The following SEMA6A variants were observed in gnomAD, a reference collection of about 807,000 sequenced individuals.
The protein encoded by SEMA6A is semaphorin 6A.
SEMA6A carries 25 observed loss-of-function variants against 96.8 expected under a neutral mutation model. The observed-to-expected ratio is 0.26, with a 90% CI of 0.19 to 0.36. SEMA6A has a LOEUF of 0.36. Ranked by LOEUF, SEMA6A falls within the 10% of genes least tolerant of loss-of-function variation. The probability of loss-of-function intolerance (pLI) is 1.00; values close to 1 mark genes in which losing one functional copy is unlikely to be tolerated. For synonymous variants in SEMA6A, 612 were observed against 518.0 expected (o/e 1.18, Z -2.46); for missense variants, 1,363 against 1,323.1 (o/e 1.03, Z -0.47).
intron 3 of SEMA6A, among the ~76,000 whole-genome samples, chr5:116,498,162 GAAAGA>G (rs1450262814): frequency 1.8e-4 from 27 of 152,220 alleles, no homozygotes; most frequent in Non-Finnish European, 2.5e-4. Flanking sequence ...GAATTTGTAA[GAAAGA>G]AAAGAAAAGA....
chr5:116,564,803 A>C lies in SEMA6A; in HGVS notation c.-39+9382T>G, dbSNP rs573189396. ...CAAAGCAGTAGACCTACAGTCCAAAATGTATGAGCCTTTTGTTGCAAAATA... is the reference window on the plus strand; with the variant it reads ...CAAAGCAGTAGACCTACAGTCCAAACTGTATGAGCCTTTTGTTGCAAAATA... On this transcript the variant is annotated intron_variant, in intron 1 of 18. Coordinates refer to ENST00000343348, the MANE Select transcript of SEMA6A (RefSeq NM_020796.5). 2.0e-5 allele frequency among the ~76,000 whole-genome samples: 3 copies of C among 152,332 alleles called. No individual in the cohort carries two copies. In the East Asian group the frequency reaches 5.8e-4, roughly 29 times the overall value.
rs1277026859 is a variant in SEMA6A, at chr5:116,488,096, AT to A, written c.744+11del. ...TGTTACAAACTGAGCCAAGGACAGC[AT>A]CCCCTCTTACCTTTCCCATGGTGTT... On this transcript the variant is annotated intron_variant, in intron 9 of 18. Coordinates refer to ENST00000343348, the MANE Select transcript of SEMA6A (RefSeq NM_020796.5). The A allele has an allele frequency of 1.9e-6, 3 of 1,552,438 alleles. No individual in the cohort carries two copies. The South Asian group carries it at 3.4e-5, about 18-fold the overall frequency.
At chr5:116,551,314 GCATA>G (rs1430326080) in intron 1 of SEMA6A, among the ~76,000 whole-genome samples, 1 of 43,972 alleles carries the variant, frequency 2.3e-5, no homozygotes, top group South Asian at 7.5e-4. Flanking sequence ...GATAGTCTTA[GCATA>G]CACACACACA....
In SEMA6A at chr5:116,448,196, A is replaced by AAAAAAAAAAAAAAAAAAAT. The variant is rs780426357; in HGVS notation, c.1895-386_1895-385insATTTTTTTTTTTTTTTTTT. Among the ~76,000 whole-genome samples the AAAAAAAAAAAAAAAAAAAT allele has an allele frequency of 5.1e-4, 71 of 138,686 alleles. 2 individuals carry two copies. Among genetic ancestry groups the AAAAAAAAAAAAAAAAAAAT allele is most frequent in the African/African-American group, 1.7e-3 (60 of 35,644 alleles). 91.0% of individuals were successfully genotyped at this position (138,686 alleles called of 152,430 possible). ...AAAAAAAAAAAAAAAAAAAAAAAAA[A>AAAAAAAAAAAAAAAAAAAT]TTAGCCAGGCGCGGTGGCGGGGGCT... is the stretch of plus-strand genomic sequence containing the variant. On this transcript the variant is annotated intron_variant, in intron 18 of 18. Coordinates refer to ENST00000343348, the MANE Select transcript of SEMA6A (RefSeq NM_020796.5).
intron 1 of SEMA6A, among the ~76,000 whole-genome samples, chr5:116,526,524 G>T (rs975738305): frequency 1.3e-5 from 2 of 152,116 alleles, no homozygotes; most frequent in African/African-American, 4.8e-5. Context: ...GTCCTCAGAG[G>T]ATTTACAAAT....
intron 13 of SEMA6A, 154 bp from the exon 14 acceptor site, chr5:116,478,308 A>G: frequency 1.2e-6 from 1 of 840,804 alleles, no homozygotes; most frequent in Non-Finnish European, 1.8e-6. Flanking sequence ...ACGTAAACAC[A>G]CACATGTATA....
At chr5:116,456,237 CAG>C (rs1357563679) in intron 18 of SEMA6A, among the ~76,000 whole-genome samples, 2 of 152,194 alleles carry the variant, frequency 1.3e-5, no homozygotes, top group Non-Finnish European at 2.9e-5. Context: ...TAATTAGAGA[CAG>C]AAATCCTCAA....
rs766613537 is a variant in SEMA6A, at chr5:116,467,685, C to T, written c.1792G>A (p.Glu598Lys). ...CAGTCCAGCATTCCTCCCCTAGACT[C>T]ATACCCCTCTTGAGCCGTCGAATCT... The part of the protein sequence containing the change: ...TSDSTAQEGY[E>K]SRGGMLDWKH... The change falls in exon 18 of 19, where the codon GAG becomes AAG. Residue 598 changes from glutamate (E) to lysine (K), a missense_variant. Physicochemically the swap from Glu to Lys is moderately conservative, Grantham distance 56. Transcript: ENST00000343348. The T allele has an allele frequency of 1.9e-6, 3 of 1,613,850 alleles. No homozygotes were observed. The highest frequency in any genetic ancestry group is 2.2e-5 in the South Asian group (2 of 91,070).
At chr5:116,520,378 A>G (rs1381510063) in intron 1 of SEMA6A, among the ~76,000 whole-genome samples, 1 of 151,770 alleles carries the variant, frequency 6.6e-6, no homozygotes, top group Non-Finnish European at 1.5e-5. Context: ...ATGTGGGTAA[A>G]TTGGTCTTAT....
rs1416389790 is a variant in SEMA6A at position 116,447,473 on chromosome 5, C to T, written c.2233G>A (p.Ala745Thr). The T allele has an allele frequency of 1.9e-6, 3 of 1,613,962 alleles. No individual in the cohort carries two copies. Among genetic ancestry groups the T allele is most frequent in the Non-Finnish European group, 2.5e-6 (3 of 1,179,922 alleles). Reference protein sequence around the residue: ...PGNTAKMLIKADQHHLDLTAL... With the variant: ...PGNTAKMLIKTDQHHLDLTAL... Reference sequence around the variant, plus strand: ...GTCAGGTCCAGGTGGTGCTGGTCTGCTTTAATGAGCATCTTGGCCGTGTTG... The same window carrying T: ...GTCAGGTCCAGGTGGTGCTGGTCTGTTTTAATGAGCATCTTGGCCGTGTTG... The change falls in exon 19 of 19, where the codon GCA becomes ACA. Residue 745 changes from alanine (A) to threonine (T), a missense_variant. Around this residue, in one of 2 missense-constraint regions of SEMA6A, gnomAD observed 883 missense variants for 763.6 expected, o/e 1.16. Transcript: ENST00000343348.
chr5:116,480,804 ATTG>A (rs780019664), intron 11 of SEMA6A, among the ~76,000 whole-genome samples: 8 of 152,046 alleles, frequency 5.3e-5, no homozygotes, highest in Non-Finnish European at 1.2e-4. Flanking sequence ...TTTGTTTCTT[ATTG>A]TTGTTTTTAT....
intron 18 of SEMA6A, among the ~76,000 whole-genome samples, chr5:116,450,730 G>A (rs1754574167): frequency 6.6e-6 from 1 of 152,136 alleles, no homozygotes; most frequent in Admixed American, 6.5e-5. Context: ...TATATAAAGA[G>A]TGGCCTTAAA....
chr5:116,569,334 A>C (rs2112921398), intron 1 of SEMA6A, among the ~76,000 whole-genome samples: 1 of 152,258 alleles, frequency 6.6e-6, no homozygotes, highest in Middle Eastern at 3.4e-3. Flanking sequence ...AGTCCTTGCA[A>C]AGGACCCCAA....
chr5:116,457,939 T>G (rs1278678072), intron 18 of SEMA6A, among the ~76,000 whole-genome samples: 1 of 152,184 alleles, frequency 6.6e-6, no homozygotes, highest in Non-Finnish European at 1.5e-5. Flanking sequence ...TGTAGTTAGT[T>G]TGAGCAAGCC....
intron 1 of SEMA6A, among the ~76,000 whole-genome samples, chr5:116,529,415 A>G (rs1759367106): frequency 6.6e-6 from 1 of 152,200 alleles, no homozygotes; most frequent in South Asian, 2.1e-4. Flanking sequence ...TTCCTAACAC[A>G]AAAACACAGT....
chr5:116,536,905 T>C (rs1274055707), intron 1 of SEMA6A, among the ~76,000 whole-genome samples: 1 of 122,604 alleles, frequency 8.2e-6, no homozygotes, highest in Non-Finnish European at 1.7e-5. Context: ...GCAAAACTGG[T>C]GTTCTTTTGT....
intron 1 of SEMA6A, among the ~76,000 whole-genome samples, chr5:116,522,091 T>A (rs1055696358): frequency 6.6e-6 from 1 of 152,228 alleles, no homozygotes; most frequent in African/African-American, 2.4e-5. Context: ...CAAGATTGAC[T>A]GATTTTTTAA....
intron 3 of SEMA6A, chr5:116,498,933 C>T (rs947229285): frequency 1.3e-5 from 2 of 152,106 alleles, no homozygotes; most frequent in Non-Finnish European, 2.9e-5. Flanking sequence ...CTCAGATTGC[C>T]CCCTTTTGGC....
chr5:116,514,011 C>A (rs781567323), intron 1 of SEMA6A, among the ~76,000 whole-genome samples: 1 of 152,146 alleles, frequency 6.6e-6, no homozygotes, highest in African/African-American at 2.4e-5. Context: ...GTACCACTTT[C>A]TTTATCTAGT....
Sources: allele counts gnomAD v4.1 joint callset (sites outside exome capture counted in the v4.1 genomes callset), GRCh38; gene constraint gnomAD v4.1.1; regional missense constraint gnomAD v4.1.1; transcripts MANE v1.5; gene names NCBI Gene and HGNC (gene_info 2026-07-23, HGNC 2026-07-21).